Variants in ZSWIM3 observed in about 807,000 individuals in gnomAD.
ZSWIM3 encodes zinc finger SWIM domain-containing protein 3.
Under a neutral mutation model 47.5 loss-of-function variants are expected in ZSWIM3, and 27 were observed. That is an observed-to-expected ratio of 0.57 (90% CI 0.42 to 0.78). ZSWIM3 has a LOEUF of 0.78. ZSWIM3 is among the 30% of genes least tolerant of loss of function. ZSWIM3 has a pLI of 0.00. For synonymous variants in ZSWIM3, 333 were observed against 333.9 expected (o/e 1.00, Z 0.03); for missense variants, 689 against 861.3 (o/e 0.80, Z 2.50).
chr20:45,872,826 G>A (rs1240360596), intron 1 of ZSWIM3: 2 of 1,279,768 alleles, frequency 1.6e-6, no homozygotes, highest in Non-Finnish European at 2.0e-6. Context: ...CACACAATAG[G>A]TACAGACACT....
At chr20:45,866,095 G>A (rs368525408) in intron 1 of ZSWIM3, among the ~76,000 whole-genome samples, 2 of 151,864 alleles carry the variant, frequency 1.3e-5, no homozygotes, top group South Asian at 2.1e-4. Context: ...CTTGAGCCCA[G>A]GAGTTCAAGA....
At position 45,877,211 on chromosome 20, in the gene ZSWIM3, C is replaced by T. The variant is rs1381542856; in HGVS notation, c.653C>T (p.Pro218Leu). 6.2e-7 allele frequency: 1 copy of T among 1,614,096 alleles called. No homozygotes were observed. The highest frequency in any genetic ancestry group is 2.2e-5 in the East Asian group (1 of 44,882). ...ATGACCGACCTGTTCATCCGCTTCC[C>T]AGAGAATCTCTTGCTACACCGGGTG... ...SKMTDLFIRF[P>L]ENLLLHRVEN... The change falls in exon 2 of 2, where the codon CCA becomes CTA. Residue 218 changes from proline to leucine, a missense_variant. Transcript: ENST00000255152.
At chr20:45,862,949 T>C (rs1217123308) in intron 1 of ZSWIM3, among the ~76,000 whole-genome samples, 1 of 152,186 alleles carries the variant, frequency 6.6e-6, no homozygotes, top group African/African-American at 2.4e-5. Context: ...TGCATTATTA[T>C]ATAGAGGCAA....
intron 1 of ZSWIM3, among the ~76,000 whole-genome samples, chr20:45,866,609 C>T (rs1236205064): frequency 2.6e-5 from 4 of 152,064 alleles, no homozygotes; most frequent in Non-Finnish European, 4.4e-5. Context: ...AGTTCAAGAC[C>T]GGCCTGGGCA....
Position 45,878,004 on chromosome 20 carries a change from G to A in ZSWIM3, c.1446G>A (p.Gln482=). 6.2e-7 allele frequency: 1 copy of A among 1,614,188 alleles called. No homozygotes were observed. Among genetic ancestry groups the A allele is most frequent in the African/African-American group, 1.3e-5 (1 of 75,054 alleles). The part of the protein sequence containing the change: ...TKPDAQQVQV[Q]QQSQVPPSQV... ...CAGACGCACAGCAGGTACAGGTACA[G>A]CAGCAGTCACAAGTGCCGCCCTCGC... The change falls in exon 2 of 2, where the codon CAG becomes CAA. Residue 482 remains glutamine, a synonymous_variant. Coordinates refer to ENST00000255152, the MANE Select transcript of ZSWIM3 (RefSeq NM_080752.4).
chr20:45,868,482 T>G (rs913013438), intron 1 of ZSWIM3, among the ~76,000 whole-genome samples: 1 of 151,926 alleles, frequency 6.6e-6, no homozygotes, highest in African/African-American at 2.4e-5. Flanking sequence ...TGGTGCGACC[T>G]TGGCTCACTG....
chr20:45,865,444 T>C (rs1985815095), intron 1 of ZSWIM3, among the ~76,000 whole-genome samples: 2 of 151,682 alleles, frequency 1.3e-5, no homozygotes, highest in African/African-American at 4.8e-5. Context: ...GCCAAGATCG[T>C]GCCACTGTAC....
Position 45,878,407 on chromosome 20 carries a change from G to A in ZSWIM3, c.1849G>A (p.Asp617Asn), listed in dbSNP as rs781249493. ...TGQPEKQGRN[D>N]MIQDLSRELA... ...CCAGCCTGAGAAGCAAGGACGGAAC[G>A]ACATGATTCAGGACCTAAGCAGGGA... Residue 617 changes from aspartate to asparagine, a missense_variant, in exon 2 of 2, where the codon GAC becomes AAC. By Grantham distance (23) the Asp-to-Asn change is conservative. Coordinates refer to ENST00000255152, the MANE Select transcript of ZSWIM3 (RefSeq NM_080752.4). 28 of 1,614,086 alleles carry A rather than the reference G, an allele frequency of 1.7e-5. No individual in the cohort carries two copies. Among genetic ancestry groups the A allele is most frequent in the East Asian group, 4.5e-5 (2 of 44,900 alleles).
rs779285020 is a variant in ZSWIM3 at position 45,878,306 on chromosome 20, G to A, written c.1748G>A (p.Arg583Gln). The change falls in exon 2 of 2, where the codon CGG becomes CAG. Residue 583 changes from arginine (R) to glutamine (Q), a missense_variant. Transcript: ENST00000255152. ...GTTGGTGAAGCCATGGTGTGCCGCC[G>A]GTGGCAGAAGAAGTACCAGTACCTC... ...QPVGEAMVCR[R>Q]WQKKYQYLLG... is the part of the protein sequence containing the mutation. The A allele has an allele frequency of 2.2e-4, 352 of 1,614,228 alleles. No individual in the cohort carries two copies. The highest frequency in any genetic ancestry group is 2.8e-4 in the Non-Finnish European group (326 of 1,180,032).
At chr20:45,868,125 G>T (rs937242256) in intron 1 of ZSWIM3, among the ~76,000 whole-genome samples, 1 of 152,156 alleles carries the variant, frequency 6.6e-6, no homozygotes, top group Admixed American at 6.6e-5. Flanking sequence ...AAGCATCAAG[G>T]TAATGCAAAT....
At chr20:45,873,579 G>T (rs1188553767) in intron 1 of ZSWIM3, among the ~76,000 whole-genome samples, 1 of 152,104 alleles carries the variant, frequency 6.6e-6, no homozygotes, top group Non-Finnish European at 1.5e-5. Flanking sequence ...TTGTATTTAG[G>T]GTAAACAAAA....
At chr20:45,873,030 C>T (rs1986010213) in intron 1 of ZSWIM3, among the ~76,000 whole-genome samples, 1 of 152,142 alleles carries the variant, frequency 6.6e-6, no homozygotes, top group Admixed American at 6.5e-5. Flanking sequence ...TGGGCTGGGG[C>T]ACTCCCTGAG....
At chr20:45,865,992 CAAAAAAAAAAAAAAAA>C (rs1231067386) in intron 1 of ZSWIM3, among the ~76,000 whole-genome samples, 2 of 98,820 alleles carry the variant, frequency 2.0e-5, no homozygotes, top group East Asian at 5.7e-4. Context: ...GACTCTGTCT[CAAAAAAAAAAAAAAAA>C]GAAAAAGAAA....
chr20:45,861,383 A>G (rs890220977), intron 1 of ZSWIM3, among the ~76,000 whole-genome samples: 11 of 151,754 alleles, frequency 7.2e-5, no homozygotes, highest in Non-Finnish European at 1.2e-4. Flanking sequence ...ACCACTGCAC[A>G]CTACATTTTA....
intron 1 of ZSWIM3, among the ~76,000 whole-genome samples, chr20:45,864,652 C>T (rs62213292): frequency 0.032 from 4,821 of 151,902 alleles, 101 homozygotes; most frequent in South Asian, 0.06. Context: ...CACTTAAAGT[C>T]GGGAGTTTGA....
At chr20:45,860,651 T>C (rs893926959) in intron 1 of ZSWIM3, among the ~76,000 whole-genome samples, 1 of 152,186 alleles carries the variant, frequency 6.6e-6, no homozygotes, top group Non-Finnish European at 1.5e-5. Flanking sequence ...CACATCACTC[T>C]GACCTTGCTT....
intron 1 of ZSWIM3, among the ~76,000 whole-genome samples, chr20:45,861,184 G>A (rs1358804753): frequency 2.0e-5 from 3 of 152,202 alleles, no homozygotes; most frequent in Non-Finnish European, 4.4e-5. Context: ...GGTAGGCTGA[G>A]GCAGGCAGAT....
chr20:45,875,320 G>A (rs931442286), intron 1 of ZSWIM3, among the ~76,000 whole-genome samples: 1 of 151,944 alleles, frequency 6.6e-6, no homozygotes, highest in African/African-American at 2.4e-5. Context: ...GGGATTACAG[G>A]CGTGAGCCAC....
chr20:45,877,440 G>T lies in ZSWIM3; in HGVS notation c.882G>T (p.Leu294=). ...VDPSFHYRAI[L]QEIFPAARIL... ...CTTCATTCCATTACCGGGCTATCCT[G>T]CAGGAGATCTTTCCTGCTGCCCGCA... The change falls in exon 2 of 2, where the codon CTG becomes CTT. Residue 294 remains leucine, a synonymous_variant. Coordinates refer to ENST00000255152, the MANE Select transcript of ZSWIM3 (RefSeq NM_080752.4). 3 of 1,614,182 alleles carry T rather than the reference G, an allele frequency of 1.9e-6. No homozygotes were observed. The South Asian group carries it at 3.3e-5, about 18-fold the overall frequency.
Sources: allele counts gnomAD v4.1 joint callset (sites outside exome capture counted in the v4.1 genomes callset), GRCh38; gene constraint gnomAD v4.1.1; transcripts MANE v1.5; gene names NCBI Gene and HGNC (gene_info 2026-07-23, HGNC 2026-07-21).